SEC24B: variants seen among roughly 807,000 people sequenced by gnomAD.
The protein encoded by SEC24B is protein transport protein Sec24B.
Under a neutral mutation model 142.8 loss-of-function variants are expected in SEC24B, and 45 were observed. The observed-to-expected ratio is 0.32, with a 90% confidence interval of 0.25 to 0.40. The LOEUF (loss-of-function observed/expected upper bound fraction) is 0.40. Among genes scored for constraint, SEC24B ranks in the 10% least tolerant of loss-of-function variants. The pLI, the probability that SEC24B is intolerant of heterozygous loss-of-function variation, is 1.00. For synonymous variants in SEC24B, 574 were observed against 568.2 expected (o/e 1.01, Z -0.15); for missense variants, 1,409 against 1,526.8 (o/e 0.92, Z 1.29).
chr4:109,451,611 G>A (rs1371572634), intron 1 of SEC24B, among the ~76,000 whole-genome samples: 1 of 152,004 alleles, frequency 6.6e-6, no homozygotes, highest in Non-Finnish European at 1.5e-5. Context: ...ACTCTATCTT[G>A]TACTTGCCTT....
At chr4:109,536,173 A>G (rs1056551206) in intron 22 of SEC24B, among the ~76,000 whole-genome samples, 2 of 152,174 alleles carry the variant, frequency 1.3e-5, no homozygotes, top group Non-Finnish European at 2.9e-5. Flanking sequence ...ATGTCAGCAA[A>G]GGGGGAAATA....
At chr4:109,486,937 G>T (rs113586978) in intron 4 of SEC24B, among the ~76,000 whole-genome samples, 7,131 of 152,206 alleles carry the variant, frequency 0.047, 188 homozygotes, top group African/African-American at 0.07. Context: ...GGCTGAGATG[G>T]GCAGATCACC....
chr4:109,502,538 G>A (rs1010072019), intron 6 of SEC24B, among the ~76,000 whole-genome samples: 24 of 152,180 alleles, frequency 1.6e-4, no homozygotes, highest in Admixed American at 3.3e-4. Flanking sequence ...ATATGCCAGT[G>A]GATTGGATGT....
chr4:109,446,627 T>G (rs1729490293), intron 1 of SEC24B, among the ~76,000 whole-genome samples: 1 of 152,244 alleles, frequency 6.6e-6, no homozygotes, highest in Non-Finnish European at 1.5e-5. Flanking sequence ...GATTTTCATT[T>G]CTTTTTGTTA....
intron 17 of SEC24B, among the ~76,000 whole-genome samples, chr4:109,526,641 TC>T (rs1724259271): frequency 6.6e-6 from 1 of 152,212 alleles, no homozygotes; most frequent in Non-Finnish European, 1.5e-5. Flanking sequence ...TCAAAACAGT[TC>T]ATGCTAAATC....
chr4:109,533,506 C>T, intron 21 of SEC24B, 87 bp from the exon 22 acceptor site: 2 of 828,714 alleles, frequency 2.4e-6, no homozygotes, highest in Admixed American at 2.0e-5. Flanking sequence ...TTGTTTCTAC[C>T]TTATTTGAGG....
At position 109,525,379 on chromosome 4, in the gene SEC24B, A is replaced by G. The variant is rs985083281; in HGVS notation, c.2666A>G (p.Tyr889Cys). Residue 889 changes from tyrosine to cysteine, a missense_variant, in exon 16 of 24, where the codon TAT becomes TGT. Tyr to Cys is a radical substitution (Grantham distance 194). Around this residue, in one of 2 missense-constraint regions of SEC24B, gnomAD observed 700 missense variants for 853.3 expected, o/e 0.82. Coordinates refer to ENST00000265175, the MANE Select transcript of SEC24B (RefSeq NM_006323.5). ...TCCAAGTATTCTGCAGGGTGCATCT[A>G]TTATTATCCATCATTCCACTATACT... ...CMSKYSAGCI[Y>C]YYPSFHYTHN... 3.7e-6 allele frequency: 6 copies of G among 1,610,122 alleles called. No homozygotes were observed. The highest frequency in any genetic ancestry group is 3.4e-6 in the Non-Finnish European group (4 of 1,178,060).
chr4:109,476,687 CATT>C (rs1171804230), intron 3 of SEC24B, among the ~76,000 whole-genome samples: 1 of 125,394 alleles, frequency 8.0e-6, no homozygotes, highest in African/African-American at 6.0e-5. Flanking sequence ...TAGTTGTTAA[CATT>C]ATTATTTCAT....
chr4:109,445,087 C>G (rs1306033042), intron 1 of SEC24B, among the ~76,000 whole-genome samples: 1 of 152,026 alleles, frequency 6.6e-6, no homozygotes, highest in African/African-American at 2.4e-5. Context: ...CTACACCTAT[C>G]TAATTTTATG....
At chr4:109,458,442 C>T (rs1413831324) in intron 1 of SEC24B, among the ~76,000 whole-genome samples, 1 of 152,144 alleles carries the variant, frequency 6.6e-6, no homozygotes, top group East Asian at 1.9e-4. Context: ...CACTTCTGCA[C>T]AGTTAAGCTG....
intron 1 of SEC24B, among the ~76,000 whole-genome samples, chr4:109,440,431 T>A (rs546282891): frequency 4.6e-5 from 7 of 152,344 alleles, no homozygotes; most frequent in African/African-American, 1.7e-4. Context: ...TTGTCAGCAT[T>A]GTTAGAAAAG....
chr4:109,465,285 G>T (rs1420507809), intron 2 of SEC24B, among the ~76,000 whole-genome samples: 2 of 152,228 alleles, frequency 1.3e-5, no homozygotes, highest in Admixed American at 1.3e-4. Context: ...CACTGGCACA[G>T]ATTGTGATAT....
At chr4:109,453,312 T>A (rs570215703) in intron 1 of SEC24B, among the ~76,000 whole-genome samples, 1 of 152,248 alleles carries the variant, frequency 6.6e-6, no homozygotes, top group Non-Finnish European at 1.5e-5. Flanking sequence ...AGAACCAGTC[T>A]GACTAGAATT....
intron 7 of SEC24B, among the ~76,000 whole-genome samples, chr4:109,509,682 A>G (rs1737109517): frequency 6.6e-6 from 1 of 150,668 alleles, no homozygotes; most frequent in African/African-American, 2.4e-5. Context: ...ATCTCAGAAA[A>G]AAAAAAAAAA....
intron 1 of SEC24B, among the ~76,000 whole-genome samples, chr4:109,436,584 T>A (rs995743484): frequency 1.3e-5 from 2 of 152,126 alleles, no homozygotes; most frequent in African/African-American, 4.8e-5. Flanking sequence ...GTGATAGGAG[T>A]GTCGCTTGCT....
intron 8 of SEC24B, 36 bp downstream of exon 8, chr4:109,510,147 C>CAG: frequency 1.8e-6 from 2 of 1,141,392 alleles, no homozygotes; most frequent in Non-Finnish European, 2.5e-6. Flanking sequence ...TGGGTACTGA[C>CAG]ATGTATGCTT....
At chr4:109,475,851 C>T (rs768569188) in intron 3 of SEC24B, among the ~76,000 whole-genome samples, 1 of 152,034 alleles carries the variant, frequency 6.6e-6, no homozygotes, top group Non-Finnish European at 1.5e-5. Context: ...ACTCTTTTAT[C>T]ACTCTATTGT....
chr4:109,529,326 C>T (rs1174957929), intron 18 of SEC24B, among the ~76,000 whole-genome samples: 4 of 151,984 alleles, frequency 2.6e-5, no homozygotes, highest in Non-Finnish European at 5.9e-5. Context: ...TACCCCAAAC[C>T]TCAGGATTCA....
intron 14 of SEC24B, among the ~76,000 whole-genome samples, chr4:109,522,125 C>T (rs1242934599): frequency 6.6e-6 from 1 of 151,006 alleles, no homozygotes; most frequent in African/African-American, 2.4e-5. Flanking sequence ...GCTCTCAGCT[C>T]ACTGCAAGCT....
Sources: allele counts gnomAD v4.1 joint callset (sites outside exome capture counted in the v4.1 genomes callset), GRCh38; gene constraint gnomAD v4.1.1; regional missense constraint gnomAD v4.1.1; transcripts MANE v1.5; gene names NCBI Gene and HGNC (gene_info 2026-07-23, HGNC 2026-07-21).